The following RBFOX3 variants were observed in gnomAD, a reference collection of about 807,000 sequenced individuals.
The protein encoded by RBFOX3 is RNA binding protein fox-1 homolog 3.
In RBFOX3, 17 loss-of-function variants were observed where a neutral mutation model predicts 48.7. That is an observed-to-expected ratio of 0.35 (90% confidence interval 0.24 to 0.52). The LOEUF is 0.52. Among genes scored for constraint, RBFOX3 ranks in the 20% least tolerant of loss-of-function variants. RBFOX3 has a pLI of 0.94. For synonymous variants in RBFOX3, 212 were observed against 209.5 expected (o/e 1.01, Z -0.10); for missense variants, 382 against 497.5 (o/e 0.77, Z 2.21).
At chr17:79,213,318 G>T (rs1223763582) in intron 4 of RBFOX3, among the ~76,000 whole-genome samples, 5 of 152,204 alleles carry the variant, frequency 3.3e-5, no homozygotes, top group Admixed American at 2.6e-4. Flanking sequence ...GGAAGGACGC[G>T]GCGGGGGGGC....
intron 9 of RBFOX3, 111 bp downstream of exon 9, chr17:79,101,473 C>A: frequency 1.0e-6 from 1 of 976,708 alleles, no homozygotes; most frequent in Non-Finnish European, 1.6e-6. Flanking sequence ...ACACTGGGGA[C>A]GGAGGCTGCC....
chr17:79,091,260 G>A (rs1459339508), intron 14 of RBFOX3, among the ~76,000 whole-genome samples: 1 of 152,240 alleles, frequency 6.6e-6, no homozygotes, highest in Non-Finnish European at 1.5e-5. Context: ...GTGGGCGGCA[G>A]GACTTCAGCC....
chr17:79,547,750 G>A (rs782190730), intron 1 of RBFOX3, among the ~76,000 whole-genome samples: 10 of 152,218 alleles, frequency 6.6e-5, no homozygotes, highest in East Asian at 1.9e-4. Context: ...GGGAGGACGC[G>A]GGACTTTAGG....
At chr17:79,659,800 G>C in the RBFOX3 span, among the ~76,000 whole-genome samples, 1 of 152,108 alleles carries the variant, frequency 6.6e-6, no homozygotes, top group Non-Finnish European at 1.5e-5. Flanking sequence ...TGGAGAAATA[G>C]AATACACAGA....
chr17:79,384,190 G>A (rs72852422), intron 2 of RBFOX3, among the ~76,000 whole-genome samples: 25,660 of 152,162 alleles, frequency 0.17, 2,528 homozygotes, highest in Middle Eastern at 0.27. Flanking sequence ...GGAAAACAAA[G>A]AGGGTTTCTG....
intron 1 of RBFOX3, among the ~76,000 whole-genome samples, chr17:79,512,654 G>A (rs1555781774): frequency 7.1e-6 from 1 of 140,212 alleles, no homozygotes; most frequent in African/African-American, 2.7e-5. Flanking sequence ...ACGGCCCCAT[G>A]GCCAGGGGAC....
At chr17:79,200,002 A>G (rs1244328301) in intron 4 of RBFOX3, among the ~76,000 whole-genome samples, 1 of 152,136 alleles carries the variant, frequency 6.6e-6, no homozygotes, top group Non-Finnish European at 1.5e-5. Context: ...CTCTACCAAA[A>G]GTACAAAAAA....
Position 79,199,289 on chromosome 17 carries a change from C to T in RBFOX3, c.-34+36477G>A, listed in dbSNP as rs1270584656. Reference sequence around the variant, plus strand: ...CCACCCACCAGCCCCTTCCGGTGGACTTCACACCTGCACGGCACCTCCTGG... The same window carrying T: ...CCACCCACCAGCCCCTTCCGGTGGATTTCACACCTGCACGGCACCTCCTGG... On this transcript the variant is annotated intron_variant, in intron 4 of 14. Transcript: ENST00000693108. The surrounding 1 kb of genome is among the most constrained non-coding windows in gnomAD (Gnocchi z 5.1). 6.6e-6 allele frequency among the ~76,000 whole-genome samples: 1 copy of T among 152,216 alleles called. No individual in the cohort carries two copies. Among genetic ancestry groups the T allele is most frequent in the East Asian group, 1.9e-4 (1 of 5,194 alleles).
rs1397675718 is a variant in RBFOX3 at position 79,479,866 on chromosome 17, C to G, written c.-175+2588G>C. Among the ~76,000 whole-genome samples, 1 of 152,194 alleles carries G rather than the reference C, an allele frequency of 6.6e-6. No homozygotes were observed. The highest frequency in any genetic ancestry group is 1.5e-5 in the Non-Finnish European group (1 of 68,030). On this transcript the variant is annotated intron_variant, in intron 2 of 14. Coordinates refer to ENST00000693108, the MANE Select transcript of RBFOX3 (RefSeq NM_001350451.2). The surrounding 1 kb of genome is among the most constrained non-coding windows in gnomAD (Gnocchi z 5.1). The stretch of plus-strand genomic sequence containing the variant: ...CAGGATGTCTGTACGTCAGGGCCCT[C>G]CCCTAGGGACAGAGCTGCACGCATC...
chr17:79,420,141 ACACACAC>A (rs1555721421), intron 2 of RBFOX3, among the ~76,000 whole-genome samples: 1 of 147,488 alleles, frequency 6.8e-6, no homozygotes, highest in Non-Finnish European at 1.5e-5. Context: ...ACACACACAC[ACACACAC>A]ACACACACAC....
At chr17:79,464,502 C>G (rs1273719834) in intron 2 of RBFOX3, among the ~76,000 whole-genome samples, 1 of 152,216 alleles carries the variant, frequency 6.6e-6, no homozygotes, top group African/African-American at 2.4e-5. Flanking sequence ...GGCCCGAGGA[C>G]AGGCGACAGA....
chr17:79,485,249 G>A (rs898183060), intron 1 of RBFOX3, among the ~76,000 whole-genome samples: 139 of 152,226 alleles, frequency 9.1e-4, no homozygotes, highest in African/African-American at 3.2e-3. Context: ...CAGGGGAGGC[G>A]CCCACAGGAA....
At chr17:79,171,670 C>T (rs2049327247) in intron 4 of RBFOX3, among the ~76,000 whole-genome samples, 2 of 148,922 alleles carry the variant, frequency 1.3e-5, no homozygotes, top group African/African-American at 5.1e-5. Flanking sequence ...CCACTTTGCC[C>T]AGGCTGGTCT....
chr17:79,406,779 G>A (rs960067879), intron 2 of RBFOX3, among the ~76,000 whole-genome samples: 4 of 152,136 alleles, frequency 2.6e-5, no homozygotes, highest in Admixed American at 6.5e-5. Flanking sequence ...GCTTGCCCCC[G>A]CCATGGGAAA....
In RBFOX3 at chr17:79,115,626, C is replaced by T. The variant is rs955676022; in HGVS notation, c.90G>A (p.Thr30=). ...AEYAPPPPHP[T]QDYSGQTPVP... The stretch of plus-strand genomic sequence containing the variant: ...CCGGGGTCTGGCCGGAGTAGTCCTG[C>T]GTGGGGTGCGGTGGGGGCGGGGCGT... Residue 30 remains threonine (T), a synonymous_variant, in exon 5 of 15, where the codon ACG becomes ACA. Coordinates refer to ENST00000693108, the MANE Select transcript of RBFOX3 (RefSeq NM_001350451.2). 4.1e-5 allele frequency: 46 copies of T among 1,118,162 alleles called. No individual in the cohort carries two copies. The highest frequency in any genetic ancestry group is 2.2e-4 in the African/African-American group (10 of 45,882). 69.3% of individuals were successfully genotyped at this position (1,118,162 alleles called of 1,614,324 possible). A position where few individuals can be genotyped will look rare whatever the true frequency, so the allele number is the denominator to read the frequency against.
intron 10 of RBFOX3, 110 bp downstream of exon 10, chr17:79,097,582 G>T (rs1340275871): frequency 1.2e-5 from 17 of 1,423,892 alleles, no homozygotes; most frequent in Non-Finnish European, 1.5e-5. Flanking sequence ...ACGGGAGGGC[G>T]GGGACGGCCC....
At chr17:79,170,120 AAGGAAGGAAGGAGGAAGGAG>A (rs2048877841) in intron 4 of RBFOX3, among the ~76,000 whole-genome samples, 1 of 139,682 alleles carries the variant, frequency 7.2e-6, no homozygotes, top group African/African-American at 3.0e-5. Flanking sequence ...AGGAGGAAGG[AAGGAAGGAAGGAGGAAGGAG>A]GGAAGGAAGG....
At chr17:79,649,071 T>C in the RBFOX3 span, among the ~76,000 whole-genome samples, 1 of 151,396 alleles carries the variant, frequency 6.6e-6, no homozygotes, top group African/African-American at 2.4e-5. Flanking sequence ...CTCCACTTTA[T>C]GGGTTCAAGT....
intron 4 of RBFOX3, among the ~76,000 whole-genome samples, chr17:79,129,305 A>G (rs2038162861): frequency 6.6e-6 from 1 of 152,228 alleles, no homozygotes; most frequent in African/African-American, 2.4e-5. Context: ...TTGCCCAAGC[A>G]CACACATCCA....
Sources: gnomAD v4.1 joint callset for allele counts (sites outside exome capture counted in the v4.1 genomes callset) on GRCh38, gnomAD v4.1.1 for gene constraint, Gnocchi (gnomAD v3.1) non-coding constraint, MANE v1.5 for transcripts, NCBI Gene and HGNC (gene_info 2026-07-23, HGNC 2026-07-21) for gene names.